Variants in RS1 observed in about 807,000 individuals in gnomAD.
RS1 encodes the protein retinoschisin 1, also known as retinoschisin.
Under a neutral mutation model 20.8 loss-of-function variants are expected in RS1, and 2 were observed. The observed-to-expected ratio is 0.10, with a 90% CI of 0.04 to 0.30. The LOEUF (loss-of-function observed/expected upper bound fraction) is 0.30, where lower values mean the gene tolerates loss of function less well. Ranked by LOEUF, RS1 falls within the 10% of genes least tolerant of loss-of-function variation. The pLI is 1.00. For missense variants in RS1, 151 were observed against 189.8 expected (o/e 0.80, Z 1.20); for synonymous variants, 70 against 75.8 (o/e 0.92, Z 0.40).
At chrX:18,665,552 C>G (rs1329727052) in intron 1 of RS1, among the ~76,000 whole-genome samples, 2 of 110,273 alleles carry the variant, frequency 1.8e-5, no homozygotes, top group East Asian at 5.7e-4. Context: ...ACTTCTCCGC[C>G]TGCTCAGCCC....
At chrX:18,671,962 TAATTA>T in intron 1 of RS1, 50 bp downstream of exon 1, 1 of 972,856 alleles carries the variant, frequency 1.0e-6, no homozygotes, top group East Asian at 3.1e-5. Flanking sequence ...TCAACGATAT[TAATTA>T]AATTATGTAT....
chrX:18,662,411 T>A (rs1464774619), intron 1 of RS1, among the ~76,000 whole-genome samples: 2 of 111,156 alleles, frequency 1.8e-5, no homozygotes, highest in African/African-American at 6.5e-5. Context: ...TGTTAACGCG[T>A]CATTTACATT....
chrX:18,671,960 A>G (rs1429570684), intron 1 of RS1, 57 bp downstream of exon 1: 6 of 953,552 alleles, frequency 6.3e-6, no homozygotes, highest in Non-Finnish European at 9.1e-6. Flanking sequence ...TATCAACGAT[A>G]TTAATTAAAT....
intron 5 of RS1, 128 bp downstream of exon 5, chrX:18,644,302 A>G (rs373680863): frequency 5.1e-5 from 31 of 610,840 alleles, no homozygotes; most frequent in African/African-American, 3.1e-4. Flanking sequence ...ATTGTGGGGG[A>G]AAGCGCAGAT....
intron 1 of RS1, among the ~76,000 whole-genome samples, chrX:18,664,829 C>T (rs959457678): frequency 5.4e-5 from 6 of 111,134 alleles, no homozygotes; most frequent in Non-Finnish European, 9.4e-5. Flanking sequence ...GTCTTCCCAC[C>T]TCAGCCTCCT....
rs1491242962 is a variant in RS1, at chrX:18,651,264, T to TGTGTGAGAGA, written c.185-3933_185-3932insTCTCTCACAC. On this transcript the variant is annotated intron_variant, in intron 3 of 5. Coordinates refer to ENST00000379984, the MANE Select transcript of RS1 (RefSeq NM_000330.4). ...GTGTGTGTGTGTGTGTGTGTGTGTG[T>TGTGTGAGAGA]GAGAGAGAGAGAGAGAGAGAGAGAC... Among the ~76,000 whole-genome samples the TGTGTGAGAGA allele has an allele frequency of 1.4e-3, 100 of 69,012 alleles. 2 individuals are homozygous for TGTGTGAGAGA. Among genetic ancestry groups the TGTGTGAGAGA allele is most frequent in the African/African-American group, 6.1e-3 (98 of 15,979 alleles). The allele number at this position is 69,012 out of a possible 115,157, so 59.9% of individuals were successfully genotyped here. A position where few individuals can be genotyped will look rare whatever the true frequency, so the allele number is the denominator to read the frequency against.
intron 3 of RS1, chrX:18,653,374 C>T: frequency 5.0e-6 from 6 of 1,193,348 alleles, no homozygotes; most frequent in Non-Finnish European, 6.8e-6. Flanking sequence ...AGCCAGAGTG[C>T]ACCTGCTAGC....
chrX:18,667,803 A>G (rs919109489), intron 1 of RS1, among the ~76,000 whole-genome samples: 16 of 110,112 alleles, frequency 1.5e-4, no homozygotes, highest in Non-Finnish European at 5.7e-5. Context: ...TTCTTCCCAG[A>G]CTCCCCTCCC....
At chrX:18,663,683 A>G (rs1193229365) in intron 1 of RS1, among the ~76,000 whole-genome samples, 1 of 110,775 alleles carries the variant, frequency 9.0e-6, no homozygotes, top group Admixed American at 9.7e-5. Flanking sequence ...TCTTCCCAAC[A>G]CTGACCTTCC....
At position 18,672,028 on chromosome X, in the gene RS1, A is replaced by G. The variant is rs766906113; in HGVS notation, c.41T>C (p.Phe14Ser). 7 of 1,208,608 alleles carry G rather than the reference A, an allele frequency of 5.8e-6. No individual in the cohort carries two copies. The South Asian group carries it at 1.2e-4, about 21-fold the overall frequency. Residue 14 changes from phenylalanine (F) to serine (S), a missense_variant, in exon 1 of 6, where the codon TTT becomes TCT. Coordinates refer to ENST00000379984, the MANE Select transcript of RS1 (RefSeq NM_000330.4). The stretch of plus-strand genomic sequence containing the variant: ...TGAATAGCACATACCTTCATAGCCA[A>G]AGAGAAGTAATAACAAAAAGCCTTC... ...KIEGFLLLLL[F>S]GYEATLGLSS...
intron 5 of RS1, among the ~76,000 whole-genome samples, chrX:18,643,618 T>C (rs890027587): frequency 8.9e-6 from 1 of 112,030 alleles, no homozygotes; most frequent in Admixed American, 9.5e-5. Flanking sequence ...TTTTTCCTCT[T>C]GTGTTCAAAC....
intron 1 of RS1, among the ~76,000 whole-genome samples, chrX:18,659,283 G>A (rs1361366755): frequency 3.6e-5 from 4 of 110,539 alleles, no homozygotes; most frequent in Admixed American, 9.7e-5. Flanking sequence ...AGACCAGCCT[G>A]GCCAGCATGC....
At chrX:18,642,250 G>T in intron 5 of RS1, 94 bp from the exon 6 acceptor site, 4 of 980,727 alleles carry the variant, frequency 4.1e-6, no homozygotes, top group Non-Finnish European at 5.8e-6. Flanking sequence ...TTTAACTATA[G>T]AAATGATTAG....
In RS1 at chrX:18,641,249, T is replaced by C. The variant is rs1193337190; in HGVS notation, c.*755A>G. On this transcript the variant is annotated 3_prime_UTR_variant, in exon 6 of 6. Coordinates refer to ENST00000379984, the MANE Select transcript of RS1 (RefSeq NM_000330.4). ...GTGCAGCCTGTCCTGTATGATCACC[T>C]AAATGGTGACCACAGACACGGGGAA... The C allele has an allele frequency of 8.9e-6, 1 of 112,817 alleles. No homozygotes were observed. The allele number at this position is 112,817 out of a possible 1,213,427, so 9.3% of individuals were successfully genotyped here. A position where few individuals can be genotyped will look rare whatever the true frequency, so the allele number is the denominator to read the frequency against.
At chrX:18,648,246 C>CT (rs373474294) in intron 3 of RS1, among the ~76,000 whole-genome samples, 3,517 of 106,166 alleles carry the variant, frequency 0.033, 150 homozygotes, top group African/African-American at 0.11. Flanking sequence ...CCTTCTTCTC[C>CT]TTTTTTTTTT....
chrX:18,649,800 C>T (rs932392941), intron 3 of RS1, among the ~76,000 whole-genome samples: 1 of 111,998 alleles, frequency 8.9e-6, no homozygotes, highest in Middle Eastern at 4.6e-3. Flanking sequence ...CTCGAGGGCT[C>T]CTCCCCCACC....
intron 1 of RS1, among the ~76,000 whole-genome samples, chrX:18,657,941 C>T (rs1928247286): frequency 2.7e-5 from 3 of 111,429 alleles, no homozygotes; most frequent in East Asian, 2.8e-4. Flanking sequence ...GAGGCCGAGG[C>T]GGGCCTAACA....
chrX:18,651,394 G>A (rs1333438193), intron 3 of RS1, among the ~76,000 whole-genome samples: 2 of 110,702 alleles, frequency 1.8e-5, no homozygotes, highest in East Asian at 2.9e-4. Context: ...AGGAATTAGC[G>A]CATTGCCCAA....
chrX:18,659,877 ATCT>A (rs1479147885), intron 1 of RS1, among the ~76,000 whole-genome samples: 1 of 111,827 alleles, frequency 8.9e-6, no homozygotes, highest in Non-Finnish European at 1.9e-5. Flanking sequence ...GGTCAGTCTA[ATCT>A]TCTCCCCTGA....
Sources: gnomAD v4.1 joint callset for allele counts (sites outside exome capture counted in the v4.1 genomes callset) on GRCh38, gnomAD v4.1.1 for gene constraint, MANE v1.5 for transcripts, NCBI Gene and HGNC (gene_info 2026-07-23, HGNC 2026-07-21) for gene names.